The following STXBP4 variants were observed in gnomAD, a reference collection of about 807,000 sequenced individuals.
STXBP4 encodes syntaxin binding protein 4.
In STXBP4, 55 loss-of-function variants were observed where a neutral mutation model predicts 76.1. The observed-to-expected ratio is 0.72, with a 90% CI of 0.58 to 0.91. STXBP4 has a LOEUF of 0.91. Ranked by LOEUF, STXBP4 falls within the 40% of genes least tolerant of loss-of-function variation. The probability of loss-of-function intolerance (pLI) is 0.00; values close to 1 mark genes in which losing one functional copy is unlikely to be tolerated. For synonymous variants in STXBP4, 201 were observed against 220.2 expected (o/e 0.91, Z 0.77); for missense variants, 618 against 636.9 (o/e 0.97, Z 0.32).
intron 8 of STXBP4, among the ~76,000 whole-genome samples, chr17:55,014,768 C>T (rs1567719088): frequency 6.6e-6 from 1 of 152,136 alleles, no homozygotes; most frequent in Non-Finnish European, 1.5e-5. Flanking sequence ...AAGGGGGCAG[C>T]TTATTTCTAC....
rs1433168117 is a variant in STXBP4, at chr17:55,169,617, G to A, written c.*9706G>A. On this transcript the variant is annotated 3_prime_UTR_variant, in exon 18 of 18. Coordinates refer to ENST00000376352, the MANE Select transcript of STXBP4 (RefSeq NM_178509.6). ...GTGTGTCTTAGAATCGATAAAATAT[G>A]GTATAGAGAATCAAGTCTCCTTGTT... 6.6e-6 allele frequency: 1 copy of A among 152,144 alleles called. No individual in the cohort carries two copies. The allele number at this position is 152,144 out of a possible 1,614,324, so 9.4% of individuals were successfully genotyped here.
chr17:54,977,791 G>T (rs1481871600), intron 1 of STXBP4, among the ~76,000 whole-genome samples: 1 of 152,164 alleles, frequency 6.6e-6, no homozygotes, highest in Non-Finnish European at 1.5e-5. Context: ...GTTTCTAAAT[G>T]CTGTCATTTT....
chr17:55,118,320 CA>C (rs1486925499), intron 16 of STXBP4, among the ~76,000 whole-genome samples: 3 of 151,860 alleles, frequency 2.0e-5, no homozygotes. Context: ...AGGAGCCAAC[CA>C]TCTAATGAGT....
intron 10 of STXBP4, among the ~76,000 whole-genome samples, chr17:55,042,937 A>G (rs1010037961): frequency 5.3e-5 from 8 of 152,144 alleles, no homozygotes; most frequent in African/African-American, 1.9e-4. Flanking sequence ...AGTCTTTTTG[A>G]CATTATAAAC....
At chr17:55,008,667 G>A (rs2078051325) in intron 8 of STXBP4, among the ~76,000 whole-genome samples, 1 of 152,106 alleles carries the variant, frequency 6.6e-6, no homozygotes, top group African/African-American at 2.4e-5. Flanking sequence ...ATAAACTGGG[G>A]GGAGCATAGC....
At chr17:55,040,879 A>G (rs2078686753) in intron 10 of STXBP4, among the ~76,000 whole-genome samples, 1 of 152,182 alleles carries the variant, frequency 6.6e-6, no homozygotes, top group South Asian at 2.1e-4. Context: ...GTTAAATAAC[A>G]ACAATTCATT....
intron 4 of STXBP4, among the ~76,000 whole-genome samples, chr17:54,995,790 G>A (rs1360267504): frequency 6.6e-6 from 1 of 152,184 alleles, no homozygotes; most frequent in African/African-American, 2.4e-5. Context: ...GGTTCGCTTT[G>A]CAGTGTCACT....
At chr17:54,979,598 C>G (rs1167828354) in intron 1 of STXBP4, among the ~76,000 whole-genome samples, 1 of 152,156 alleles carries the variant, frequency 6.6e-6, no homozygotes, top group South Asian at 2.1e-4. Context: ...TACAGCCATA[C>G]CACCCTGAAC....
At chr17:55,012,298 C>T (rs2078129933) in intron 8 of STXBP4, among the ~76,000 whole-genome samples, 1 of 152,138 alleles carries the variant, frequency 6.6e-6, no homozygotes, top group Non-Finnish European at 1.5e-5. Flanking sequence ...GTTCCCCATT[C>T]TATTTCTTCT....
intron 16 of STXBP4, among the ~76,000 whole-genome samples, chr17:55,119,203 G>T (rs1056336458): frequency 2.6e-5 from 4 of 151,834 alleles, no homozygotes; most frequent in Non-Finnish European, 5.9e-5. Context: ...GTACTACCAT[G>T]GACTTAAACT....
At chr17:55,007,417 G>T in intron 7 of STXBP4, 89 bp from the exon 8 acceptor site, 2 of 877,034 alleles carry the variant, frequency 2.3e-6, no homozygotes, top group South Asian at 1.5e-5. Flanking sequence ...AATTATTTTT[G>T]AACAGCAGGA....
intron 7 of STXBP4, among the ~76,000 whole-genome samples, chr17:55,004,397 A>G (rs888700748): frequency 2.0e-5 from 3 of 152,044 alleles, no homozygotes; most frequent in Non-Finnish European, 4.4e-5. Context: ...TACAAAGAGG[A>G]TAGGAACAGA....
rs2145210004 is a variant in STXBP4 at position 55,167,799 on chromosome 17, T to A, written c.*7888T>A. The A allele has an allele frequency of 6.6e-6, 1 of 152,306 alleles. No individual in the cohort carries two copies. The highest frequency in any genetic ancestry group is 6.5e-5 in the Admixed American group (1 of 15,304). The allele number at this position is 152,306 out of a possible 1,614,324, so 9.4% of individuals were successfully genotyped here. The stretch of plus-strand genomic sequence containing the variant: ...TTATCTCATCTATAAGTAACCCCAC[T>A]GGAATTGCTTGACTGTTCTGTTTCA... On this transcript the variant is annotated 3_prime_UTR_variant, in exon 18 of 18. Transcript: ENST00000376352.
chr17:55,141,937 T>C (rs2080099081), intron 17 of STXBP4, among the ~76,000 whole-genome samples: 1 of 152,220 alleles, frequency 6.6e-6, no homozygotes, highest in Admixed American at 6.5e-5. Context: ...GGACAGTATA[T>C]GAACAAACCT....
At chr17:55,178,318 CATAAATTCAG>C (rs1490934735), downstream of STXBP4, among the ~76,000 whole-genome samples, 1 of 152,200 alleles carries the variant, frequency 6.6e-6, no homozygotes, top group Non-Finnish European at 1.5e-5. Context: ...CCATTTAACA[CATAAATTCAG>C]ATAAATTCAT....
chr17:54,979,546 A>G (rs1487946586), intron 1 of STXBP4, among the ~76,000 whole-genome samples: 1 of 152,158 alleles, frequency 6.6e-6, no homozygotes, highest in Non-Finnish European at 1.5e-5. Flanking sequence ...ATATACGCAT[A>G]AGCCCTCATA....
intron 8 of STXBP4, among the ~76,000 whole-genome samples, chr17:55,013,919 C>T (rs2078157585): frequency 6.6e-6 from 1 of 152,094 alleles, no homozygotes; most frequent in Non-Finnish European, 1.5e-5. Flanking sequence ...CCTTAAGGTC[C>T]AGGACTGTAA....
intron 1 of STXBP4, among the ~76,000 whole-genome samples, chr17:54,982,664 C>T (rs2077567231): frequency 1.3e-5 from 2 of 148,844 alleles, no homozygotes; most frequent in Admixed American, 6.7e-5. Context: ...TACTGGAATC[C>T]CTGTTGGCTG....
the STXBP4 span, among the ~76,000 whole-genome samples, chr17:55,210,839 A>G: frequency 6.6e-6 from 1 of 152,190 alleles, no homozygotes; most frequent in African/African-American, 2.4e-5. Flanking sequence ...GCCACTGACT[A>G]TTATTTGAAA....
Sources: gnomAD v4.1 joint callset for allele counts (sites outside exome capture counted in the v4.1 genomes callset) on GRCh38, gnomAD v4.1.1 for gene constraint, MANE v1.5 for transcripts, NCBI Gene and HGNC (gene_info 2026-07-23, HGNC 2026-07-21) for gene names.